The following MYO16 variants were observed in gnomAD, a reference collection of about 807,000 sequenced individuals.
MYO16 encodes unconventional myosin-XVI.
Under a neutral mutation model 205.3 loss-of-function variants are expected in MYO16, and 94 were observed. The ratio of observed to expected loss-of-function variants is 0.46; its 90% CI spans 0.39 to 0.54. The LOEUF (loss-of-function observed/expected upper bound fraction) is 0.54, where lower values mean the gene tolerates loss of function less well. Among genes scored for constraint, MYO16 ranks in the 20% least tolerant of loss-of-function variants. The pLI is 0.00. For missense variants in MYO16, 2,315 were observed against 2,387.5 expected (o/e 0.97, Z 0.63); for synonymous variants, 988 against 954.0 (o/e 1.04, Z -0.66).
chr13:108,952,461 T>C (rs1189094913), intron 16 of MYO16, among the ~76,000 whole-genome samples: 1 of 152,180 alleles, frequency 6.6e-6, no homozygotes, highest in Non-Finnish European at 1.5e-5. Context: ...AAATAATGGC[T>C]TCTTTTGTGA....
chr13:108,793,359 T>A (rs190739270), intron 5 of MYO16, among the ~76,000 whole-genome samples, 157 bp from the exon 6 acceptor site: 2 of 151,802 alleles, frequency 1.3e-5, no homozygotes, highest in African/African-American at 4.8e-5. Flanking sequence ...AAATAGAATA[T>A]GTACAAAGAT....
At chr13:108,742,515 GT>G (rs1884941880) in intron 4 of MYO16, among the ~76,000 whole-genome samples, 1 of 151,748 alleles carries the variant, frequency 6.6e-6, no homozygotes, top group African/African-American at 2.4e-5. Context: ...TTATTTTACA[GT>G]TTATATAATT....
At chr13:108,500,646 G>C in the MYO16 span, among the ~76,000 whole-genome samples, 30 of 152,010 alleles carry the variant, frequency 2.0e-4, no homozygotes, top group Admixed American at 2.0e-3. Flanking sequence ...ATATGACTGA[G>C]ATGAGTCTTC....
chr13:109,201,397 A>G (rs910679393), intron 34 of MYO16: 1 of 149,396 alleles, frequency 6.7e-6, no homozygotes. Context: ...CATTTCAAGC[A>G]TATAATTTAT....
At chr13:108,678,781 G>C (rs1412526901) in intron 2 of MYO16, among the ~76,000 whole-genome samples, 1 of 152,104 alleles carries the variant, frequency 6.6e-6, no homozygotes, top group Non-Finnish European at 1.5e-5. Flanking sequence ...AAATTCTAGA[G>C]ATGGTACCTG....
intron 4 of MYO16, among the ~76,000 whole-genome samples, chr13:108,728,232 C>G (rs985049786): frequency 6.6e-6 from 1 of 152,138 alleles, no homozygotes; most frequent in Non-Finnish European, 1.5e-5. Context: ...CTTCTTAATG[C>G]CTTGCTATTA....
the MYO16 span, among the ~76,000 whole-genome samples, chr13:108,579,756 T>C: frequency 6.6e-6 from 1 of 152,138 alleles, no homozygotes; most frequent in Non-Finnish European, 1.5e-5. Context: ...CTTTCTTTTT[T>C]TGTTTTTTGT....
intron 34 of MYO16, among the ~76,000 whole-genome samples, chr13:109,181,820 TATTTTA>T (rs973474775): frequency 1.4e-5 from 2 of 146,822 alleles, no homozygotes; most frequent in African/African-American, 2.6e-5. Context: ...TTATTTATTT[TATTTTA>T]TTTTTTTTTT....
intron 28 of MYO16, among the ~76,000 whole-genome samples, chr13:109,115,573 A>G (rs1214228248): frequency 6.6e-6 from 1 of 152,190 alleles, no homozygotes; most frequent in Non-Finnish European, 1.5e-5. Flanking sequence ...TGCCACCAAA[A>G]TGAAAAACGT....
intron 16 of MYO16, among the ~76,000 whole-genome samples, chr13:108,915,535 T>C (rs1252977927): frequency 6.6e-6 from 1 of 152,220 alleles, no homozygotes; most frequent in Non-Finnish European, 1.5e-5. Context: ...TTTCAATTTT[T>C]CTTACCCTTT....
intron 25 of MYO16, among the ~76,000 whole-genome samples, chr13:109,053,447 A>T (rs1282024277): frequency 6.6e-6 from 1 of 152,048 alleles, no homozygotes; most frequent in Non-Finnish European, 1.5e-5. Context: ...TACATTAAAA[A>T]AAAAGAACCC....
the MYO16 span, among the ~76,000 whole-genome samples, chr13:108,556,174 G>T: frequency 3.0e-4 from 45 of 152,166 alleles, no homozygotes; most frequent in Non-Finnish European, 5.9e-4. Flanking sequence ...AAGACTGCCG[G>T]ATCATATGGT....
At chr13:108,551,595 G>T in the MYO16 span, among the ~76,000 whole-genome samples, 2 of 151,802 alleles carry the variant, frequency 1.3e-5, no homozygotes, top group Admixed American at 6.6e-5. Context: ...ATTCATTATC[G>T]CAGTAATTCC....
At chr13:108,731,163 G>C (rs1175786639) in intron 4 of MYO16, among the ~76,000 whole-genome samples, 1 of 152,140 alleles carries the variant, frequency 6.6e-6, no homozygotes, top group Non-Finnish European at 1.5e-5. Context: ...TTCAGGTTAG[G>C]CATTTAATAA....
At chr13:109,193,933 G>C (rs570622653) in intron 34 of MYO16, among the ~76,000 whole-genome samples, 34 of 152,194 alleles carry the variant, frequency 2.2e-4, no homozygotes, top group South Asian at 1.9e-3. Context: ...CTTTCTTCTT[G>C]TTGTGTCCTA....
chr13:108,971,740 G>A (rs1055830282), intron 20 of MYO16, among the ~76,000 whole-genome samples: 3 of 151,622 alleles, frequency 2.0e-5, no homozygotes, highest in African/African-American at 7.3e-5. Context: ...ATGATTAATC[G>A]CATTGATTTC....
At chr13:108,992,681 A>G (rs762653446) in intron 21 of MYO16, among the ~76,000 whole-genome samples, 5 of 152,204 alleles carry the variant, frequency 3.3e-5, no homozygotes, top group Non-Finnish European at 7.4e-5. Context: ...TTAAAAGACA[A>G]TGCAAGATGA....
At chr13:108,673,575 T>C (rs1025581360) in intron 2 of MYO16, among the ~76,000 whole-genome samples, 1 of 152,090 alleles carries the variant, frequency 6.6e-6, no homozygotes, top group African/African-American at 2.4e-5. Context: ...AACACTGGGA[T>C]ACCTCTGTTT....
chr13:109,168,011 C>T (rs992540852), intron 33 of MYO16, among the ~76,000 whole-genome samples: 10 of 152,060 alleles, frequency 6.6e-5, no homozygotes, highest in Admixed American at 6.5e-4. Context: ...TAATATTATA[C>T]ACTGATAAAC....
Sources: gnomAD v4.1 joint callset for allele counts (sites outside exome capture counted in the v4.1 genomes callset) on GRCh38, gnomAD v4.1.1 for gene constraint, MANE v1.5 for transcripts, NCBI Gene and HGNC (gene_info 2026-07-23, HGNC 2026-07-21) for gene names.